The following COLEC12 variants were observed in gnomAD, a reference collection of about 807,000 sequenced individuals.
COLEC12 encodes collectin-12.
A neutral mutation model predicts 71.1 loss-of-function variants in COLEC12; 33 were observed. That is an observed-to-expected ratio of 0.46 (90% CI 0.35 to 0.62). The LOEUF is 0.62. COLEC12 is among the 20% of genes least tolerant of loss of function. The probability of loss-of-function intolerance (pLI) is 0.00; values close to 1 mark genes in which losing one functional copy is unlikely to be tolerated. For synonymous variants in COLEC12, 350 were observed against 353.0 expected (o/e 0.99, Z 0.10); for missense variants, 765 against 916.1 (o/e 0.84, Z 2.13).
chr18:395,421 G>C (rs562978278), intron 2 of COLEC12, among the ~76,000 whole-genome samples: 5 of 152,310 alleles, frequency 3.3e-5, no homozygotes, highest in African/African-American at 1.2e-4. Flanking sequence ...CAGCACAGGG[G>C]ACAGGCTCTT....
intron 2 of COLEC12, among the ~76,000 whole-genome samples, chr18:467,920 A>T (rs116742888): frequency 0.015 from 2,258 of 152,150 alleles, 48 homozygotes; most frequent in African/African-American, 0.052. Context: ...ATAAAGATAC[A>T]AAATATTTAT....
intron 2 of COLEC12, among the ~76,000 whole-genome samples, chr18:432,553 G>A (rs903971457): frequency 1.3e-5 from 2 of 152,152 alleles, no homozygotes; most frequent in African/African-American, 2.4e-5. Flanking sequence ...AAATTTGGGT[G>A]TATCATGAAT....
intron 2 of COLEC12, among the ~76,000 whole-genome samples, chr18:380,711 A>C (rs930275929): frequency 2.0e-5 from 3 of 152,188 alleles, no homozygotes; most frequent in Non-Finnish European, 4.4e-5. Flanking sequence ...CAGTGATAAT[A>C]TGGATGTGAC....
chr18:392,492 G>A (rs957122997), intron 2 of COLEC12, among the ~76,000 whole-genome samples: 74 of 152,168 alleles, frequency 4.9e-4, no homozygotes, highest in African/African-American at 1.7e-3. Flanking sequence ...ATTATACCAT[G>A]TTATATAAAT....
In COLEC12 at chr18:500,159, G is replaced by A. The variant is rs1450161990; in HGVS notation, c.7+349C>T. Among the ~76,000 whole-genome samples the A allele has an allele frequency of 6.6e-6, 1 of 152,206 alleles. No homozygotes were observed. Among genetic ancestry groups the A allele is most frequent in the African/African-American group, 2.4e-5 (1 of 41,456 alleles). On this transcript the variant is annotated intron_variant, in intron 1 of 9. Transcript: ENST00000400256. The surrounding 1 kb of genome is among the most constrained non-coding windows in gnomAD (Gnocchi z 5.3). ...AGCGCTGCGGCGTGGAAAAGCGACC[G>A]GGAGGGATGGCGATGCCTCCACTCT...
In COLEC12 at chr18:386,726, T is replaced by C. The variant is rs939488989; in HGVS notation, c.59-29204A>G. The stretch of plus-strand genomic sequence containing the variant: ...ATATGGGAACCAGGCAGACCTGAAT[T>C]TGGAAGCTGAGAGCCTCAGTTTTCT... On this transcript the variant is annotated intron_variant, in intron 2 of 9. Transcript: ENST00000400256. Among the ~76,000 whole-genome samples, 13 of 152,328 alleles carry C rather than the reference T, an allele frequency of 8.5e-5. No individual in the cohort carries two copies. The South Asian group carries it at 2.5e-3, about 29-fold the overall frequency.
chr18:465,864 G>C (rs568268892), intron 2 of COLEC12, among the ~76,000 whole-genome samples: 1 of 152,144 alleles, frequency 6.6e-6, no homozygotes, highest in Non-Finnish European at 1.5e-5. Flanking sequence ...CTTGAGGTCA[G>C]GAATTCGAGA....
chr18:361,481 T>TA (rs1914742056), intron 2 of COLEC12, among the ~76,000 whole-genome samples: 1 of 151,932 alleles, frequency 6.6e-6, no homozygotes, highest in African/African-American at 2.4e-5. Context: ...TGACATTTGC[T>TA]AAAAAGGAAA....
chr18:380,470 A>G (rs1380663984), intron 2 of COLEC12, among the ~76,000 whole-genome samples: 4 of 115,644 alleles, frequency 3.5e-5, no homozygotes, highest in African/African-American at 1.3e-4. Flanking sequence ...CAGTCATTGT[A>G]ATAGGGACAA....
chr18:412,427 G>A (rs1320063628), intron 2 of COLEC12, among the ~76,000 whole-genome samples: 1 of 150,582 alleles, frequency 6.6e-6, no homozygotes, highest in Non-Finnish European at 1.5e-5. Context: ...AAAACTAAGT[G>A]ATATCTCCAA....
At chr18:486,118 G>A (rs528814039) in intron 1 of COLEC12, among the ~76,000 whole-genome samples, 1 of 152,324 alleles carries the variant, frequency 6.6e-6, no homozygotes, top group African/African-American at 2.4e-5. Flanking sequence ...GAAGAGAGGA[G>A]ACTAATATAC....
chr18:450,278 G>T (rs1165487160), intron 2 of COLEC12, among the ~76,000 whole-genome samples: 1 of 152,216 alleles, frequency 6.6e-6, no homozygotes, highest in East Asian at 1.9e-4. Flanking sequence ...CTGTGTCTCC[G>T]CCAAATCTCA....
intron 2 of COLEC12, among the ~76,000 whole-genome samples, chr18:460,301 T>A (rs1567914537): frequency 6.6e-6 from 1 of 152,050 alleles, no homozygotes; most frequent in African/African-American, 2.4e-5. Context: ...CCTAAGGTTT[T>A]ATGGACTTTG....
At chr18:450,105 G>A (rs1302960516) in intron 2 of COLEC12, among the ~76,000 whole-genome samples, 2 of 152,146 alleles carry the variant, frequency 1.3e-5, no homozygotes, top group Non-Finnish European at 2.9e-5. Context: ...GTTACATGAA[G>A]GGAAAACACT....
intron 3 of COLEC12, among the ~76,000 whole-genome samples, chr18:355,196 T>A (rs1023675433): frequency 9.2e-5 from 14 of 152,308 alleles, no homozygotes; most frequent in Non-Finnish European, 2.1e-4. Flanking sequence ...CTTGTCTTCA[T>A]GGAAACTCGT....
rs530380992 is a variant in COLEC12, at chr18:357,629, T to G, written c.59-107A>C. ...TGGGACTAAGAATAATTTTTACAAATGCCTTACTATACTATGAGAACTATT... is the reference window on the plus strand; with the variant it reads ...TGGGACTAAGAATAATTTTTACAAAGGCCTTACTATACTATGAGAACTATT... On this transcript the variant is annotated intron_variant, in intron 2 of 9. Transcript: ENST00000400256. 2.9e-5 allele frequency: 25 copies of G among 857,304 alleles called. No homozygotes were observed. In the East Asian group the frequency reaches 5.5e-4, roughly 19 times the overall value. 53.1% of individuals were successfully genotyped at this position (857,304 alleles called of 1,614,324 possible).
At chr18:363,004 CA>C (rs1447703779) in intron 2 of COLEC12, among the ~76,000 whole-genome samples, 1 of 151,910 alleles carries the variant, frequency 6.6e-6, no homozygotes, top group Non-Finnish European at 1.5e-5. Context: ...GCCCTGGTTC[CA>C]ACAACACATT....
At chr18:417,146 T>A (rs1333625850) in intron 2 of COLEC12, among the ~76,000 whole-genome samples, 1 of 151,912 alleles carries the variant, frequency 6.6e-6, no homozygotes, top group Admixed American at 6.6e-5. Context: ...CATCACAGAG[T>A]GTACTTACAC....
chr18:380,796 T>C (rs1014533961), intron 2 of COLEC12, among the ~76,000 whole-genome samples: 2 of 152,182 alleles, frequency 1.3e-5, no homozygotes, highest in Non-Finnish European at 2.9e-5. Flanking sequence ...AGACCTCATC[T>C]GCACAGGCCT....
Sources: gnomAD v4.1 joint callset for allele counts (sites outside exome capture counted in the v4.1 genomes callset) on GRCh38, gnomAD v4.1.1 for gene constraint, Gnocchi (gnomAD v3.1) non-coding constraint, MANE v1.5 for transcripts, NCBI Gene and HGNC (gene_info 2026-07-23, HGNC 2026-07-21) for gene names.